The following KCNH8 variants were observed in gnomAD, a reference collection of about 807,000 sequenced individuals.
KCNH8 encodes the protein voltage-gated delayed rectifier potassium channel KCNH8.
A neutral mutation model predicts 103.6 loss-of-function variants in KCNH8; 70 were observed. The observed-to-expected ratio is 0.68, with a 90% confidence interval of 0.56 to 0.82. The LOEUF is 0.82. Among genes scored for constraint, KCNH8 ranks in the 40% least tolerant of loss-of-function variants. The probability of loss-of-function intolerance (pLI) is 0.00; values close to 1 mark genes in which losing one functional copy is unlikely to be tolerated. For synonymous variants in KCNH8, 498 were observed against 489.4 expected (o/e 1.02, Z -0.23); for missense variants, 1,217 against 1,329.9 (o/e 0.92, Z 1.32).
chr3:19,481,020 C>T (rs559803222), intron 11 of KCNH8, among the ~76,000 whole-genome samples: 86 of 152,224 alleles, frequency 5.6e-4, no homozygotes, highest in African/African-American at 2.0e-3. Context: ...ATAAAGCCTT[C>T]CTGCTGTTCA....
intron 11 of KCNH8, among the ~76,000 whole-genome samples, chr3:19,483,954 T>C (rs1341165487): frequency 6.6e-6 from 1 of 152,214 alleles, no homozygotes; most frequent in Non-Finnish European, 1.5e-5. Context: ...TTTACATTTA[T>C]ATTTATATAG....
At chr3:19,465,597 G>T (rs186629879) in intron 11 of KCNH8, among the ~76,000 whole-genome samples, 1 of 151,824 alleles carries the variant, frequency 6.6e-6, no homozygotes, top group Non-Finnish European at 1.5e-5. Flanking sequence ...AATATATTTT[G>T]TAAAGCTATA....
chr3:19,173,661 A>C (rs1485131881), intron 1 of KCNH8, among the ~76,000 whole-genome samples: 1 of 152,098 alleles, frequency 6.6e-6, no homozygotes. Context: ...TCCACAAATA[A>C]AATGTCTGGA....
chr3:19,483,036 T>A (rs1559349456), intron 11 of KCNH8, among the ~76,000 whole-genome samples: 1 of 150,078 alleles, frequency 6.7e-6, no homozygotes, highest in Non-Finnish European at 1.5e-5. Flanking sequence ...TTCAGGGGGC[T>A]ATTTTTTTTT....
intron 3 of KCNH8, among the ~76,000 whole-genome samples, chr3:19,324,857 C>A (rs1322172523): frequency 6.6e-6 from 1 of 151,856 alleles, no homozygotes; most frequent in Non-Finnish European, 1.5e-5. Flanking sequence ...CATGTGGAAC[C>A]AAAAAAGGGC....
At chr3:19,173,237 G>A (rs899648191) in intron 1 of KCNH8, among the ~76,000 whole-genome samples, 1 of 152,100 alleles carries the variant, frequency 6.6e-6, no homozygotes, top group Non-Finnish European at 1.5e-5. Context: ...TCAGGGCTTA[G>A]GTCTGTGAGA....
At chr3:19,497,367 T>C (rs954333992) in intron 11 of KCNH8, among the ~76,000 whole-genome samples, 2 of 152,092 alleles carry the variant, frequency 1.3e-5, no homozygotes, top group Non-Finnish European at 2.9e-5. Flanking sequence ...TTTTAACTTT[T>C]TGATGTGGGT....
At chr3:19,294,052 T>A (rs2064964251) in intron 3 of KCNH8, among the ~76,000 whole-genome samples, 1 of 152,174 alleles carries the variant, frequency 6.6e-6, no homozygotes, top group Admixed American at 6.5e-5. Flanking sequence ...AGACGATTTT[T>A]CATGTATTTA....
chr3:19,485,883 T>C (rs2068196085), intron 11 of KCNH8, among the ~76,000 whole-genome samples: 1 of 152,206 alleles, frequency 6.6e-6, no homozygotes, highest in African/African-American at 2.4e-5. Context: ...TTATGTCCTT[T>C]CCCCCAGGGT....
At chr3:19,410,459 C>T (rs1214972313) in intron 7 of KCNH8, among the ~76,000 whole-genome samples, 3 of 152,038 alleles carry the variant, frequency 2.0e-5, no homozygotes, top group African/African-American at 7.2e-5. Context: ...CTCATTTTAA[C>T]AATCTAACCT....
intron 11 of KCNH8, among the ~76,000 whole-genome samples, chr3:19,479,176 G>A (rs549892479): frequency 7.9e-5 from 12 of 152,220 alleles, no homozygotes; most frequent in African/African-American, 2.9e-4. Context: ...TGGAGAGTTT[G>A]CGGGGTGCCT....
chr3:19,263,058 G>A (rs1360197392), intron 2 of KCNH8, among the ~76,000 whole-genome samples: 1 of 152,032 alleles, frequency 6.6e-6, no homozygotes, highest in Non-Finnish European at 1.5e-5. Context: ...ATAAATGGTA[G>A]CCTTGGCAGC....
chr3:19,386,077 G>A (rs986607392), intron 5 of KCNH8, among the ~76,000 whole-genome samples: 1 of 151,878 alleles, frequency 6.6e-6, no homozygotes, highest in African/African-American at 2.4e-5. Flanking sequence ...CTTTTTTTGT[G>A]CTTTCTAGTT....
chr3:19,372,411 T>A (rs1356656786), intron 5 of KCNH8, among the ~76,000 whole-genome samples: 10 of 150,718 alleles, frequency 6.6e-5, no homozygotes, highest in African/African-American at 1.7e-4. Context: ...TGGCTCTCTG[T>A]TTGTCTGTTG....
intron 1 of KCNH8, among the ~76,000 whole-genome samples, chr3:19,206,123 T>G (rs565857422): frequency 2.7e-5 from 4 of 149,724 alleles, no homozygotes; most frequent in Non-Finnish European, 5.9e-5. Context: ...CCATCCAGGT[T>G]GCTGTGAATG....
intron 3 of KCNH8, among the ~76,000 whole-genome samples, chr3:19,324,503 GT>G (rs1170469566): frequency 6.6e-6 from 1 of 152,156 alleles, no homozygotes; most frequent in Non-Finnish European, 1.5e-5. Context: ...TCCTCAACAT[GT>G]GGGGATTATA....
chr3:19,513,110 G>C lies in KCNH8; in HGVS notation c.2220G>C (p.Lys740Asn). ...ICTRGSSSRNKKVGSNKAYLG... is the reference protein window; with the variant it reads ...ICTRGSSSRNNKVGSNKAYLG... Reference sequence around the variant, plus strand: ...CAAGGGGATCTTCTTCGCGCAACAAGAAGGTTGGAAGCAATAAAGCCTACC... The same window carrying C: ...CAAGGGGATCTTCTTCGCGCAACAACAAGGTTGGAAGCAATAAAGCCTACC... The change falls in exon 13 of 16, where the codon AAG (lysine) becomes AAC (asparagine). Residue 740 changes from lysine (K) to asparagine (N), a missense_variant. This residue lies in a region of KCNH8 where 558 missense variants were observed against 495.8 expected (regional missense o/e 1.13). Coordinates refer to ENST00000328405, the MANE Select transcript of KCNH8 (RefSeq NM_144633.3). The C allele has an allele frequency of 6.2e-7, 1 of 1,613,870 alleles. No homozygotes were observed. The highest frequency in any genetic ancestry group is 8.5e-7 in the Non-Finnish European group (1 of 1,179,918).
At chr3:19,476,272 A>C (rs1026095951) in intron 11 of KCNH8, among the ~76,000 whole-genome samples, 1 of 152,146 alleles carries the variant, frequency 6.6e-6, no homozygotes, top group African/African-American at 2.4e-5. Flanking sequence ...TCAACAGACA[A>C]GGAGGTTCAA....
intron 1 of KCNH8, among the ~76,000 whole-genome samples, chr3:19,228,270 G>A (rs892230741): frequency 1.3e-5 from 2 of 152,162 alleles, no homozygotes; most frequent in African/African-American, 4.8e-5. Context: ...TTCGTACTAT[G>A]AATGTTGAGT....
Sources: gnomAD v4.1 joint callset for allele counts (sites outside exome capture counted in the v4.1 genomes callset) on GRCh38, gnomAD v4.1.1 for gene constraint, gnomAD v4.1.1 regional missense constraint, MANE v1.5 for transcripts, NCBI Gene and HGNC (gene_info 2026-07-23, HGNC 2026-07-21) for gene names.